ASTN1: variants seen among roughly 807,000 people sequenced by gnomAD.
ASTN1 encodes astrotactin 1, also known as astrotactin-1.
In ASTN1, 41 loss-of-function variants were observed where a neutral mutation model predicts 140.7. The ratio of observed to expected loss-of-function variants is 0.29; its 90% confidence interval spans 0.23 to 0.38. The LOEUF (loss-of-function observed/expected upper bound fraction) is 0.38, where lower values mean the gene tolerates loss of function less well. ASTN1 is among the 10% of genes least tolerant of loss of function. The pLI, the probability that ASTN1 is intolerant of heterozygous loss-of-function variation, is 1.00. For missense variants in ASTN1, 1,479 were observed against 1,678.8 expected (o/e 0.88, Z 2.08); for synonymous variants, 640 against 652.2 (o/e 0.98, Z 0.29).
chr1:176,987,887 G>T (rs1673979048), intron 8 of ASTN1, among the ~76,000 whole-genome samples: 1 of 152,164 alleles, frequency 6.6e-6, no homozygotes, highest in Non-Finnish European at 1.5e-5. Context: ...GAACAAAGAG[G>T]ATTTGGCAAC....
chr1:177,083,884 G>A (rs1357539847), intron 1 of ASTN1, among the ~76,000 whole-genome samples: 1 of 152,134 alleles, frequency 6.6e-6, no homozygotes, highest in Non-Finnish European at 1.5e-5. Context: ...AGAGTCAGAG[G>A]TCTCTAGGGA....
chr1:176,906,252 AAT>A (rs1447563472), intron 16 of ASTN1, among the ~76,000 whole-genome samples: 2 of 152,172 alleles, frequency 1.3e-5, no homozygotes, highest in African/African-American at 4.8e-5. Context: ...TGTCTCTTTA[AAT>A]ATTTGAAGGG....
At chr1:177,061,744 A>C (rs1382776470) in intron 1 of ASTN1, among the ~76,000 whole-genome samples, 1 of 152,212 alleles carries the variant, frequency 6.6e-6, no homozygotes, top group African/African-American at 2.4e-5. Context: ...TAGTCCTGGG[A>C]GGTTACTGCA....
chr1:177,029,095 C>T (rs1046689813), intron 5 of ASTN1, among the ~76,000 whole-genome samples: 2 of 152,086 alleles, frequency 1.3e-5, no homozygotes, highest in Non-Finnish European at 2.9e-5. Flanking sequence ...CTTAACCCTG[C>T]CAGGGGAAAG....
chr1:176,999,749 G>T (rs1225056465), intron 8 of ASTN1, among the ~76,000 whole-genome samples: 2 of 152,074 alleles, frequency 1.3e-5, no homozygotes. Flanking sequence ...CATGGGGGCA[G>T]TTTCCCCATA....
chr1:176,968,737 T>C (rs1269460625), intron 8 of ASTN1, among the ~76,000 whole-genome samples: 1 of 152,214 alleles, frequency 6.6e-6, no homozygotes, highest in East Asian at 1.9e-4. Context: ...TGAACTGTGA[T>C]ATTAGGCAAC....
intron 12 of ASTN1, among the ~76,000 whole-genome samples, chr1:176,948,529 G>C (rs1672046952): frequency 1.3e-5 from 2 of 152,126 alleles, no homozygotes; most frequent in South Asian, 4.1e-4. Flanking sequence ...AGCTTTGAGG[G>C]AGTCACTTAA....
intron 11 of ASTN1, among the ~76,000 whole-genome samples, chr1:176,951,863 T>C (rs1672204006): frequency 6.6e-6 from 1 of 152,242 alleles, no homozygotes; most frequent in African/African-American, 2.4e-5. Context: ...TAAGCAATTC[T>C]TTGTGTAGAA....
intron 7 of ASTN1, among the ~76,000 whole-genome samples, chr1:177,022,474 G>A (rs1204867774): frequency 6.6e-6 from 1 of 152,178 alleles, no homozygotes; most frequent in Non-Finnish European, 1.5e-5. Flanking sequence ...CAGTGAAAGT[G>A]CAAAGCAAAC....
chr1:177,067,715 G>T (rs1422659914), intron 1 of ASTN1, among the ~76,000 whole-genome samples: 1 of 152,134 alleles, frequency 6.6e-6, no homozygotes, highest in Non-Finnish European at 1.5e-5. Context: ...AATGTCTGTG[G>T]AAAGGGATCC....
chr1:177,036,208 G>A (rs1012687002), intron 2 of ASTN1, among the ~76,000 whole-genome samples: 6 of 151,672 alleles, frequency 4.0e-5, no homozygotes, highest in East Asian at 2.0e-4. Context: ...GCACCACCAC[G>A]CCCGGCTAAT....
chr1:176,938,777 T>C (rs12063732), intron 14 of ASTN1, among the ~76,000 whole-genome samples: 8,430 of 152,276 alleles, frequency 0.055, 749 homozygotes, highest in African/African-American at 0.19. Flanking sequence ...CTATCTGCCT[T>C]ATAGGCAGGT....
At chr1:177,056,200 C>A (rs1047320637) in intron 2 of ASTN1, among the ~76,000 whole-genome samples, 2 of 152,188 alleles carry the variant, frequency 1.3e-5, no homozygotes, top group Non-Finnish European at 2.9e-5. Flanking sequence ...ACTGACTCAG[C>A]CCCAAATACT....
intron 16 of ASTN1, among the ~76,000 whole-genome samples, chr1:176,914,077 G>T (rs1670375496): frequency 6.6e-6 from 1 of 152,114 alleles, no homozygotes; most frequent in Non-Finnish European, 1.5e-5. Context: ...ATTCAACATT[G>T]TCAGTTCTCT....
At chr1:176,939,333 G>T (rs900180336) in intron 14 of ASTN1, among the ~76,000 whole-genome samples, 2 of 152,174 alleles carry the variant, frequency 1.3e-5, no homozygotes, top group Non-Finnish European at 2.9e-5. Flanking sequence ...AAGCACAGAT[G>T]TTGGGTGGGG....
At chr1:176,946,549 A>C (rs541706199) in intron 12 of ASTN1, among the ~76,000 whole-genome samples, 29 of 152,336 alleles carry the variant, frequency 1.9e-4, no homozygotes, top group African/African-American at 6.7e-4. Context: ...CAGCAAAAGG[A>C]ATGACACCAT....
intron 1 of ASTN1, among the ~76,000 whole-genome samples, chr1:177,087,523 T>G (rs1018072807): frequency 1.3e-5 from 2 of 152,178 alleles, no homozygotes; most frequent in Non-Finnish European, 2.9e-5. Context: ...GACCATGGCC[T>G]CCTTTACAAC....
Position 177,072,186 on chromosome 1 carries a change from G to T in ASTN1, c.284-10921C>A, listed in dbSNP as rs576470195. The stretch of plus-strand genomic sequence containing the variant: ...CACTATGCTTGTATTTCAGCTTAAT[G>T]AATTAGGTATACAGAAGATATACAT... On this transcript the variant is annotated intron_variant, in intron 1 of 22. Transcript: ENST00000361833. 1.1e-4 allele frequency among the ~76,000 whole-genome samples: 16 copies of T among 152,276 alleles called. No individual in the cohort carries two copies. The South Asian group carries it at 3.3e-3, about 32-fold the overall frequency.
At chr1:177,149,351 A>G (rs1309588108) in intron 1 of ASTN1, among the ~76,000 whole-genome samples, 1 of 81,438 alleles carries the variant, frequency 1.2e-5, no homozygotes, top group East Asian at 3.8e-4. Flanking sequence ...TATAGTATAT[A>G]TATAGTAAAT....
Sources: gnomAD v4.1 joint callset for allele counts (sites outside exome capture counted in the v4.1 genomes callset) on GRCh38, gnomAD v4.1.1 for gene constraint, MANE v1.5 for transcripts, NCBI Gene and HGNC (gene_info 2026-07-23, HGNC 2026-07-21) for gene names.